Variants in KLHL24 observed in about 807,000 individuals in gnomAD.
KLHL24 encodes kelch-like protein 24.
In KLHL24, 29 loss-of-function variants were observed where a neutral mutation model predicts 53.4. The ratio of observed to expected loss-of-function variants is 0.54; its 90% CI spans 0.40 to 0.74. The LOEUF is 0.74. Among genes scored for constraint, KLHL24 ranks in the 30% least tolerant of loss-of-function variants. The probability of loss-of-function intolerance (pLI) is 0.00; values close to 1 mark genes in which losing one functional copy is unlikely to be tolerated. For synonymous variants in KLHL24, 222 were observed against 253.7 expected (o/e 0.88, Z 1.19); for missense variants, 504 against 744.0 (o/e 0.68, Z 3.75).
In KLHL24 at chr3:183,680,283, C is replaced by A. The variant is rs10937148; in HGVS notation, c.*997C>A. ...CCCTAGCCTGGGCAACAGGTTGCGA[C>A]ACTGTCTCAAGAGAAAAGAAAAAGA... On this transcript the variant is annotated 3_prime_UTR_variant, in exon 8 of 8. Coordinates refer to ENST00000242810, the MANE Select transcript of KLHL24 (RefSeq NM_017644.3). 0.33 allele frequency: 50,860 copies of A among 151,940 alleles called. 9,369 individuals are homozygous for A. The highest frequency in any genetic ancestry group is 0.49 in the African/African-American group (20,234 of 41,404). 9.4% of individuals were successfully genotyped at this position (151,940 alleles called of 1,614,324 possible).
At chr3:183,664,868 G>C in intron 4 of KLHL24, 53 bp from the exon 5 acceptor site, 1 of 972,076 alleles carries the variant, frequency 1.0e-6, no homozygotes, top group Non-Finnish European at 1.6e-6. Context: ...AGATCTCTTG[G>C]TGACAGCTAT....
At chr3:183,660,501 A>T (rs1308137103) in intron 3 of KLHL24, among the ~76,000 whole-genome samples, 1 of 152,138 alleles carries the variant, frequency 6.6e-6, no homozygotes, top group African/African-American at 2.4e-5. Context: ...TTTCCATAAC[A>T]TGAGTATTCC....
intron 1 of KLHL24, among the ~76,000 whole-genome samples, chr3:183,641,916 G>A (rs962968299): frequency 6.6e-5 from 10 of 152,100 alleles, no homozygotes; most frequent in African/African-American, 2.2e-4. Flanking sequence ...CGATTAGGTT[G>A]GTATTACCTA....
Position 183,642,355 on chromosome 3 carries a change from TTGA to T in KLHL24, c.-124-1120_-124-1118del, listed in dbSNP as rs558206020. On this transcript the variant is annotated intron_variant, in intron 1 of 7. Transcript: ENST00000242810. The stretch of plus-strand genomic sequence containing the variant: ...TAAGGAAACACAGGATAGCATTCAC[TTGA>T]TGATCATAACACAGTCTGGGTATAC... 2.7e-4 allele frequency among the ~76,000 whole-genome samples: 41 copies of T among 152,252 alleles called. No homozygotes were observed. The South Asian group carries it at 7.7e-3, about 28-fold the overall frequency.
At chr3:183,654,896 A>G (rs1718633909) in intron 3 of KLHL24, among the ~76,000 whole-genome samples, 1 of 152,220 alleles carries the variant, frequency 6.6e-6, no homozygotes, top group African/African-American at 2.4e-5. Context: ...TTAAATATTT[A>G]TAGCTAGAAT....
At chr3:183,641,779 C>T (rs1471896454) in intron 1 of KLHL24, among the ~76,000 whole-genome samples, 2 of 152,130 alleles carry the variant, frequency 1.3e-5, no homozygotes, top group Non-Finnish European at 2.9e-5. Context: ...GTAACCTCAT[C>T]GTATAGAATT....
In KLHL24 at chr3:183,672,453, G is replaced by A. The variant is rs1289693139; in HGVS notation, c.1571G>A (p.Trp524Ter). 2 of 1,611,680 alleles carry A rather than the reference G, an allele frequency of 1.2e-6. No individual in the cohort carries two copies. The highest frequency in any genetic ancestry group is 1.7e-5 in the Admixed American group (1 of 59,690). The change falls in exon 7 of 8, where the codon TGG becomes TAG. Residue 524 changes from tryptophan (W) to a stop codon, truncating the protein, a stop_gained. Coordinates refer to ENST00000242810, the MANE Select transcript of KLHL24 (RefSeq NM_017644.3). LOFTEE classifies it high-confidence loss of function. ...IYCYDPVEDY[W>*]MHVQNTFSRQ... ...TGTTACGATCCAGTTGAAGATTACT[G>A]GATGCACGTACAGAATACATTCAGC...
chr3:183,676,745 ATT>A (rs927079986), intron 7 of KLHL24, among the ~76,000 whole-genome samples: 3 of 152,048 alleles, frequency 2.0e-5, no homozygotes, highest in African/African-American at 7.2e-5. Flanking sequence ...AAATTGTGGG[ATT>A]TTTTAAAAAG....
At position 183,672,473 on chromosome 3, in the gene KLHL24, T is replaced by C; in HGVS notation, c.1591T>C (p.Phe531Leu). The change falls in exon 7 of 8, where the codon TTC (phenylalanine) becomes CTC (leucine). Residue 531 changes from phenylalanine (F) to leucine (L), a missense_variant. By Grantham distance (22) the Phe-to-Leu change is conservative (BLOSUM62 0). Transcript: ENST00000242810. Reference protein sequence around the residue: ...EDYWMHVQNTFSRQENCGMSV... With the variant: ...EDYWMHVQNTLSRQENCGMSV... ...TTACTGGATGCACGTACAGAATACA[T>C]TCAGCCGTCAGGTAATAACATAAAG... 3 of 1,605,034 alleles carry C rather than the reference T, an allele frequency of 1.9e-6. No individual in the cohort carries two copies. The highest frequency in any genetic ancestry group is 1.7e-6 in the Non-Finnish European group (2 of 1,175,006).
rs1712760987 is a variant in KLHL24 at position 183,682,281 on chromosome 3, C to T, written c.*2995C>T. The T allele has an allele frequency of 6.6e-6, 1 of 151,894 alleles. No individual in the cohort carries two copies. The highest frequency in any genetic ancestry group is 6.6e-5 in the Admixed American group (1 of 15,246). 9.4% of individuals were successfully genotyped at this position (151,894 alleles called of 1,614,324 possible). A position where few individuals can be genotyped will look rare whatever the true frequency, so the allele number is the denominator to read the frequency against. ...GAACTTTAATCATTTTCTGTTTTTC[C>T]TCTATGTGAGTCAGCTACAAAAGTG... is the stretch of plus-strand genomic sequence containing the variant. On this transcript the variant is annotated 3_prime_UTR_variant, in exon 8 of 8. Transcript: ENST00000242810.
rs1432486783 is a variant in KLHL24, at chr3:183,682,859, G to A, written c.*3573G>A. 2 of 151,918 alleles carry A rather than the reference G, an allele frequency of 1.3e-5. No homozygotes were observed. Among genetic ancestry groups the A allele is most frequent in the Non-Finnish European group, 2.9e-5 (2 of 67,928 alleles). The allele number at this position is 151,918 out of a possible 1,614,324, so 9.4% of individuals were successfully genotyped here. A position where few individuals can be genotyped will look rare whatever the true frequency, so the allele number is the denominator to read the frequency against. On this transcript the variant is annotated 3_prime_UTR_variant, in exon 8 of 8. Coordinates refer to ENST00000242810, the MANE Select transcript of KLHL24 (RefSeq NM_017644.3). ...AGAACCCATATATGAAAAGAGAGGA[G>A]TTGAATTGTGTGTGCCTTTTATGTC...
intron 5 of KLHL24, among the ~76,000 whole-genome samples, chr3:183,669,238 G>A (rs1296910359): frequency 1.3e-5 from 2 of 152,094 alleles, no homozygotes; most frequent in East Asian, 3.9e-4. Context: ...TGTAATCCCA[G>A]CTACTCAGGA....
At position 183,664,939 on chromosome 3, in the gene KLHL24, G is replaced by A. The variant is rs760100744; in HGVS notation, c.1124G>A (p.Arg375His). The A allele has an allele frequency of 3.7e-6, 6 of 1,607,230 alleles. No homozygotes were observed. Among genetic ancestry groups the A allele is most frequent in the South Asian group, 2.2e-5 (2 of 90,304 alleles). ...ILVSGGRINSRDVWIYNSQLN... is the reference protein window; with the variant it reads ...ILVSGGRINSHDVWIYNSQLN... ...TTTCAAGGTGGAAGAATCAACAGCC[G>A]TGATGTCTGGATTTATAACTCACAG... Residue 375 changes from arginine (R) to histidine (H), a missense_variant, in exon 5 of 8, where the codon CGT becomes CAT. Coordinates refer to ENST00000242810, the MANE Select transcript of KLHL24 (RefSeq NM_017644.3).
chr3:183,656,037 CTTTTTTT>C lies in KLHL24; in HGVS notation c.920+4780_920+4786del, dbSNP rs760140064. 4.0e-4 allele frequency among the ~76,000 whole-genome samples: 36 copies of C among 90,890 alleles called. 1 individual carries two copies. The highest frequency in any genetic ancestry group is 7.9e-4 in the East Asian group (2 of 2,542). 59.6% of individuals were successfully genotyped at this position (90,890 alleles called of 152,430 possible). A position where few individuals can be genotyped will look rare whatever the true frequency, so the allele number is the denominator to read the frequency against. On this transcript the variant is annotated intron_variant, in intron 3 of 7. Coordinates refer to ENST00000242810, the MANE Select transcript of KLHL24 (RefSeq NM_017644.3). ...CCTTTATTCAGAGTGCCCTTAGCAT[CTTTTTTT>C]TTTTTTTTTTTTTTTTTTCTGAGAC...
chr3:183,678,143 A>G (rs1444916382), intron 7 of KLHL24, among the ~76,000 whole-genome samples: 1 of 152,216 alleles, frequency 6.6e-6, no homozygotes, highest in East Asian at 1.9e-4. Context: ...TATTTGTTTT[A>G]TATAGTAACT....
chr3:183,649,913 TAAA>T (rs1717888178), intron 2 of KLHL24, among the ~76,000 whole-genome samples: 2 of 152,128 alleles, frequency 1.3e-5, no homozygotes, highest in African/African-American at 4.8e-5. Flanking sequence ...AAAAGATTCT[TAAA>T]AAGAAAGATA....
chr3:183,662,393 T>G (rs1032239454), intron 3 of KLHL24, among the ~76,000 whole-genome samples: 5 of 138,746 alleles, frequency 3.6e-5, no homozygotes, highest in South Asian at 2.1e-4. Flanking sequence ...TGATGTGGGT[T>G]TTTTTTTCCC....
In KLHL24 at chr3:183,671,217, G is replaced by A. The variant is rs764050016; in HGVS notation, c.1408G>A (p.Asp470Asn). 6.2e-7 allele frequency: 1 copy of A among 1,611,882 alleles called. No individual in the cohort carries two copies. Among genetic ancestry groups the A allele is most frequent in the Admixed American group, 1.7e-5 (1 of 59,828 alleles). ...GGGPDDNTCS[D>N]KVQSYDPETN... ...AGGACCTGATGATAATACTTGTTCT[G>A]ATAAGGTAAGCCATGCACTTTTAAA... is the stretch of plus-strand genomic sequence containing the variant. Residue 470 changes from aspartate (D) to asparagine (N), a missense_variant, in exon 6 of 8, where the codon GAT becomes AAT. By Grantham distance (23) the Asp-to-Asn change is conservative. Transcript: ENST00000242810.
intron 7 of KLHL24, among the ~76,000 whole-genome samples, chr3:183,673,919 A>G (rs530034166): frequency 1.3e-5 from 2 of 152,128 alleles, no homozygotes; most frequent in Non-Finnish European, 2.9e-5. Flanking sequence ...CTGTGTTCCA[A>G]ACTCAAATTT....
Sources: gnomAD v4.1 joint callset for allele counts (sites outside exome capture counted in the v4.1 genomes callset) on GRCh38, gnomAD v4.1.1 for gene constraint, MANE v1.5 for transcripts, NCBI Gene and HGNC (gene_info 2026-07-23, HGNC 2026-07-21) for gene names.